NISCH: variants seen among roughly 807,000 people sequenced by gnomAD.
NISCH encodes the protein I-1 receptor candidate protein.
A neutral mutation model predicts 138.4 loss-of-function variants in NISCH; 55 were observed. The ratio of observed to expected loss-of-function variants is 0.40; its 90% CI spans 0.32 to 0.50. The LOEUF (loss-of-function observed/expected upper bound fraction) is 0.50, where lower values mean the gene tolerates loss of function less well. Among genes scored for constraint, NISCH ranks in the 20% least tolerant of loss-of-function variants. NISCH has a pLI of 0.71. For synonymous variants in NISCH, 860 were observed against 861.5 expected (o/e 1.00, Z 0.03); for missense variants, 1,643 against 2,005.5 (o/e 0.82, Z 3.45).
Position 52,457,912 on chromosome 3 carries a change from G to T in NISCH, c.163G>T (p.Asp55Tyr). 1 of 1,607,722 alleles carries T rather than the reference G, an allele frequency of 6.2e-7. No homozygotes were observed. The highest frequency in any genetic ancestry group is 1.1e-5 in the South Asian group (1 of 90,926). ...TVKHRYSDFH[D>Y]LHEKLVAERK... ...AAAGCACCGCTACAGCGACTTCCAT[G>T]ACCTGCATGAAAAGGTAACTGTTAA... The change falls in exon 2 of 21, where the codon GAC becomes TAC. Residue 55 changes from aspartate to tyrosine, a missense_variant. Asp to Tyr is a radical substitution (Grantham distance 160). Coordinates refer to ENST00000345716, the MANE Select transcript of NISCH (RefSeq NM_007184.4).
intron 13 of NISCH, among the ~76,000 whole-genome samples, chr3:52,483,229 T>C (rs1707322761): frequency 1.3e-5 from 2 of 152,268 alleles, no homozygotes; most frequent in Admixed American, 6.5e-5. Flanking sequence ...CCTGCCTCGC[T>C]TGTGGGCAGA....
intron 13 of NISCH, chr3:52,480,505 T>C: frequency 6.6e-7 from 1 of 1,517,812 alleles, no homozygotes; most frequent in Non-Finnish European, 8.8e-7. Context: ...TGGTGAGGAC[T>C]CCCAATTGCT....
Position 52,492,535 on chromosome 3 carries a change from C to T in NISCH, c.*53C>T, listed in dbSNP as rs539020198. ...CAGCCTGACGCCTACTGGGGCAGGG[C>T]AGCAGGCTTTTGTGTTCTCTAAAAA... On this transcript the variant is annotated 3_prime_UTR_variant, in exon 21 of 21. Coordinates refer to ENST00000345716, the MANE Select transcript of NISCH (RefSeq NM_007184.4). 3 of 1,512,024 alleles carry T rather than the reference C, an allele frequency of 2.0e-6. No homozygotes were observed. The African/African-American group carries it at 4.2e-5, about 21-fold the overall frequency. 93.7% of individuals were successfully genotyped at this position (1,512,024 alleles called of 1,614,324 possible).
intron 14 of NISCH, 95 bp downstream of exon 14, chr3:52,484,732 G>A (rs1055391505): frequency 8.4e-6 from 12 of 1,433,816 alleles, no homozygotes; most frequent in Non-Finnish European, 1.2e-5. Context: ...AGCTGGAGCT[G>A]AGGCAGATGC....
chr3:52,488,713 C>A (rs1235470231), intron 16 of NISCH, 108 bp downstream of exon 16: 1 of 960,704 alleles, frequency 1.0e-6, no homozygotes, highest in Non-Finnish European at 1.5e-6. Flanking sequence ...AGAGCTGGGC[C>A]CCCTCCCCCC....
At chr3:52,491,548 C>T (rs2153231953) in intron 20 of NISCH, 35 bp downstream of exon 20, 1 of 1,585,832 alleles carries the variant, frequency 6.3e-7, no homozygotes, top group Non-Finnish European at 8.6e-7. Context: ...AGACAGGCTG[C>T]CTGGACAGAC....
chr3:52,464,025 C>A (rs1706711258), intron 3 of NISCH, among the ~76,000 whole-genome samples: 1 of 151,802 alleles, frequency 6.6e-6, no homozygotes, highest in Non-Finnish European at 1.5e-5. Flanking sequence ...CCACACCTGG[C>A]CTGAGCCTCT....
In NISCH at chr3:52,481,849, C is replaced by T. The variant is rs117317889; in HGVS notation, c.1528+1554C>T. ...GCACTCTGCAGTCTGTCCCCGCCAT[C>T]GCTGGACTTCTGGACATGGCCTCCA... is the stretch of plus-strand genomic sequence containing the variant. On this transcript the variant is annotated intron_variant, in intron 13 of 20. Transcript: ENST00000345716. 106 of 985,522 alleles carry T rather than the reference C, an allele frequency of 1.1e-4. 2 individuals are homozygous for T. In the East Asian group the frequency reaches 8.5e-3, roughly 79 times the overall value. 61.0% of individuals were successfully genotyped at this position (985,522 alleles called of 1,614,324 possible).
At chr3:52,458,168 C>T (rs1002149940) in intron 2 of NISCH, among the ~76,000 whole-genome samples, 2 of 152,216 alleles carry the variant, frequency 1.3e-5, no homozygotes, top group Admixed American at 6.5e-5. Flanking sequence ...CCAGTCCTAG[C>T]TTGGGTATGA....
In NISCH at chr3:52,479,716, C is replaced by G. The variant is rs375350325; in HGVS notation, c.1303-33C>G. On this transcript the variant is annotated intron_variant, in intron 11 of 20. Transcript: ENST00000345716. ...CCCATGCTGATAGCCATCACCAGTC[C>G]CCATGCTGATAGCCACTTTCTGGAT... is the stretch of plus-strand genomic sequence containing the variant. 128 of 1,480,856 alleles carry G rather than the reference C, an allele frequency of 8.6e-5. No individual in the cohort carries two copies. The African/African-American group carries it at 1.6e-3, about 18-fold the overall frequency. 91.7% of individuals were successfully genotyped at this position (1,480,856 alleles called of 1,614,324 possible). A position where few individuals can be genotyped will look rare whatever the true frequency, so the allele number is the denominator to read the frequency against.
intron 17 of NISCH, 188 bp from the exon 18 acceptor site, chr3:52,489,887 C>T (rs1559644681): frequency 1.9e-5 from 22 of 1,177,902 alleles, no homozygotes; most frequent in Non-Finnish European, 1.9e-5. Context: ...TGTGCCACTT[C>T]CAGCCCCAGG....
intron 1 of NISCH, 63 bp from the exon 2 acceptor site, chr3:52,457,779 TG>T: frequency 9.0e-7 from 1 of 1,110,306 alleles, no homozygotes; most frequent in Non-Finnish European, 1.4e-6. Context: ...CTTTTGCTGC[TG>T]GGGGAGGAGA....
intron 11 of NISCH, 115 bp from the exon 12 acceptor site, chr3:52,479,634 G>A (rs1185498627): frequency 1.5e-5 from 12 of 777,852 alleles, no homozygotes; most frequent in Admixed American, 1.3e-4. Flanking sequence ...CCTCAGCAGA[G>A]CCCTACCATC....
chr3:52,468,624 G>C (rs1233293210), intron 3 of NISCH, among the ~76,000 whole-genome samples: 2 of 152,036 alleles, frequency 1.3e-5, no homozygotes, highest in African/African-American at 2.4e-5. Flanking sequence ...CTTCCAGCCG[G>C]AGCCCTGTCC....
In NISCH at chr3:52,488,355, C is replaced by G; in HGVS notation, c.2863C>G (p.Pro955Ala). ...GCCGCTCTCCACCGTGCTGCTGGACCCCACACGCAGCTGTACCCAGCCTCG... is the reference window on the plus strand; with the variant it reads ...GCCGCTCTCCACCGTGCTGCTGGACGCCACACGCAGCTGTACCCAGCCTCG... ...RVPLSTVLLD[P>A]TRSCTQPRGA... The change falls in exon 16 of 21, where the codon CCC becomes GCC. Residue 955 changes from proline to alanine, a missense_variant. Coordinates refer to ENST00000345716, the MANE Select transcript of NISCH (RefSeq NM_007184.4). 1 of 1,613,672 alleles carries G rather than the reference C, an allele frequency of 6.2e-7. No individual in the cohort carries two copies. The highest frequency in any genetic ancestry group is 8.5e-7 in the Non-Finnish European group (1 of 1,180,012).
rs566041222 is a variant in NISCH at position 52,472,672 on chromosome 3, A to G, written c.669+274A>G. ...CACCTGGCTCATTCTAGGACTCCTC[A>G]TAGGGGCAGGGGGCATGTGTACCTC... On this transcript the variant is annotated intron_variant, in intron 6 of 20. Transcript: ENST00000345716. 2.0e-5 allele frequency among the ~76,000 whole-genome samples: 3 copies of G among 152,252 alleles called. 1 individual carries two copies. In the South Asian group the frequency reaches 6.2e-4, roughly 32 times the overall value.
chr3:52,461,174 G>A (rs1706622105), intron 3 of NISCH, among the ~76,000 whole-genome samples: 1 of 152,216 alleles, frequency 6.6e-6, no homozygotes, highest in Admixed American at 6.5e-5. Flanking sequence ...GGAAGGGGAG[G>A]TTGCAGTGAG....
chr3:52,480,718 T>G, intron 13 of NISCH: 1 of 1,419,466 alleles, frequency 7.0e-7, no homozygotes, highest in East Asian at 2.6e-5. Context: ...AAAAGCTTGC[T>G]TTTATCACTG....
Position 52,488,192 on chromosome 3 carries a change from C to G in NISCH, c.2700C>G (p.Ala900=). The change falls in exon 16 of 21, where the codon GCC becomes GCG. Residue 900 remains alanine, a synonymous_variant. Transcript: ENST00000345716. Reference sequence around the variant, plus strand: ...GCTCCTGCTGCGCGCCCTCTGAGGCCGTCAAGTCCGCCGCCATCCCCTACT... The same window carrying G: ...GCTCCTGCTGCGCGCCCTCTGAGGCGGTCAAGTCCGCCGCCATCCCCTACT... ...VRRSCCAPSE[A]VKSAAIPYWL... The G allele has an allele frequency of 6.2e-7, 1 of 1,613,222 alleles. No homozygotes were observed. The highest frequency in any genetic ancestry group is 8.5e-7 in the Non-Finnish European group (1 of 1,179,958).
Sources: gnomAD v4.1 joint callset for allele counts (sites outside exome capture counted in the v4.1 genomes callset) on GRCh38, gnomAD v4.1.1 for gene constraint, MANE v1.5 for transcripts, NCBI Gene and HGNC (gene_info 2026-07-23, HGNC 2026-07-21) for gene names.